Variants in SLIT3 observed in about 807,000 individuals in gnomAD.
The protein encoded by SLIT3 is slit guidance ligand 3.
Under a neutral mutation model 184.0 loss-of-function variants are expected in SLIT3, and 68 were observed. The ratio of observed to expected loss-of-function variants is 0.37; its 90% CI spans 0.30 to 0.45. The LOEUF (loss-of-function observed/expected upper bound fraction) is 0.45. SLIT3 is among the 20% of genes least tolerant of loss of function. The probability of loss-of-function intolerance (pLI) is 1.00; values close to 1 mark genes in which losing one functional copy is unlikely to be tolerated. For synonymous variants in SLIT3, 831 were observed against 828.6 expected, an observed-to-expected ratio of 1.00 and a Z score of -0.05; for missense variants, 1,707 against 2,026.0, an observed-to-expected ratio of 0.84 and a Z score of 3.02.
At chr5:168,823,755 G>A (rs1308902124) in intron 6 of SLIT3, among the ~76,000 whole-genome samples, 1 of 152,126 alleles carries the variant, frequency 6.6e-6, no homozygotes, top group Non-Finnish European at 1.5e-5. Flanking sequence ...TTATGGATGA[G>A]GAGGCTGAGC....
chr5:168,796,106 A>G (rs1016577033), intron 9 of SLIT3, among the ~76,000 whole-genome samples: 3 of 152,174 alleles, frequency 2.0e-5, no homozygotes, highest in South Asian at 2.1e-4. Flanking sequence ...GAACAGCCTT[A>G]ACGTCTTTAG....
intron 4 of SLIT3, among the ~76,000 whole-genome samples, chr5:168,999,683 G>GCA (rs1755637115): frequency 6.6e-6 from 1 of 152,198 alleles, no homozygotes; most frequent in African/African-American, 2.4e-5. Context: ...TGCAGAGGAG[G>GCA]CACACAGCCC....
rs372134778 is a variant in SLIT3, at chr5:168,952,528, C to CAAAAAAAAAAAAAAAAAAAAAA, written c.414-69193_414-69192insTTTTTTTTTTTTTTTTTTTTTT. Among the ~76,000 whole-genome samples, 73 of 77,904 alleles carry CAAAAAAAAAAAAAAAAAAAAAA rather than the reference C, an allele frequency of 9.4e-4. 1 individual carries two copies. The highest frequency in any genetic ancestry group is 4.2e-3 in the African/African-American group (71 of 17,020). 51.1% of individuals were successfully genotyped at this position (77,904 alleles called of 152,430 possible). A position where few individuals can be genotyped will look rare whatever the true frequency, so the allele number is the denominator to read the frequency against. On this transcript the variant is annotated intron_variant, in intron 4 of 35. Coordinates refer to ENST00000519560, the MANE Select transcript of SLIT3 (RefSeq NM_003062.4). ...AATCTCAGAGAAGAAGGGAAAATGC[C>CAAAAAAAAAAAAAAAAAAAAAA]AAAAAAAAAAAAAAAAAAAAGAGGG...
chr5:168,872,997 T>C (rs1759589107), intron 5 of SLIT3, among the ~76,000 whole-genome samples: 1 of 152,148 alleles, frequency 6.6e-6, no homozygotes, highest in African/African-American at 2.4e-5. Context: ...GTCCCAACTG[T>C]GACCTTCACA....
chr5:169,191,539 C>A (rs115843565), intron 4 of SLIT3, among the ~76,000 whole-genome samples: 9,177 of 152,236 alleles, frequency 0.06, 364 homozygotes, highest in Non-Finnish European at 0.081. Flanking sequence ...TTACAAAACA[C>A]AAGTACACCA....
chr5:169,145,017 G>C (rs1412685156), intron 4 of SLIT3, among the ~76,000 whole-genome samples: 2 of 152,084 alleles, frequency 1.3e-5, no homozygotes, highest in African/African-American at 4.8e-5. Context: ...TTTAAACCAA[G>C]GCACAAAATT....
intron 4 of SLIT3, among the ~76,000 whole-genome samples, chr5:168,897,461 GA>G (rs1194755256): frequency 6.6e-6 from 1 of 152,090 alleles, no homozygotes; most frequent in Non-Finnish European, 1.5e-5. Flanking sequence ...GACAGTTAAA[GA>G]GGGAGACTGA....
chr5:169,135,104 TTTTG>T (rs945754298), intron 4 of SLIT3, among the ~76,000 whole-genome samples: 7 of 152,112 alleles, frequency 4.6e-5, no homozygotes, highest in Non-Finnish European at 7.4e-5. Flanking sequence ...GATCAGTGTG[TTTTG>T]TTTGTTTGTT....
intron 26 of SLIT3, among the ~76,000 whole-genome samples, chr5:168,702,675 CGAT>C (rs10596363): frequency 0.65 from 97,447 of 149,442 alleles, 32,151 homozygotes; most frequent in African/African-American, 0.78. Context: ...TAAATAATAG[CGAT>C]GATGATGATG....
At chr5:169,157,141 C>G (rs1371462165) in intron 4 of SLIT3, among the ~76,000 whole-genome samples, 1 of 152,144 alleles carries the variant, frequency 6.6e-6, no homozygotes. Context: ...AGCTAGGACT[C>G]TGAACTTTGC....
At chr5:168,743,628 C>T (rs182241501) in intron 20 of SLIT3, among the ~76,000 whole-genome samples, 1 of 152,308 alleles carries the variant, frequency 6.6e-6, no homozygotes, top group East Asian at 1.9e-4. Flanking sequence ...AAGAATCACA[C>T]ATCTCTCACT....
rs768704242 is a variant in SLIT3, at chr5:168,884,425, T to TCACA, written c.414-1090_414-1089insTGTG. Among the ~76,000 whole-genome samples, 1,567 of 141,512 alleles carry TCACA rather than the reference T, an allele frequency of 0.011. 59 individuals carry two copies. In the East Asian group the frequency reaches 0.13, roughly 12 times the overall value. 92.8% of individuals were successfully genotyped at this position (141,512 alleles called of 152,430 possible). On this transcript the variant is annotated intron_variant, in intron 4 of 35. Transcript: ENST00000519560. ...TATAAAAGGTGTCTCTCTCTCTCTC[T>TCACA]CTCACACACACACACACACAGTGCT...
chr5:168,844,895 C>CTTT, intron 5 of SLIT3: 2 of 349,230 alleles, frequency 5.7e-6, no homozygotes, highest in Admixed American at 5.0e-5. Context: ...ATTAATTGCG[C>CTTT]ATTTTTTTTT....
chr5:169,134,891 G>A (rs1002130758), intron 4 of SLIT3, among the ~76,000 whole-genome samples: 1 of 152,142 alleles, frequency 6.6e-6, no homozygotes, highest in African/African-American at 2.4e-5. Flanking sequence ...ATTTTCATAA[G>A]GCCTACCTCC....
chr5:168,750,517 G>T (rs1336191148), intron 18 of SLIT3, among the ~76,000 whole-genome samples: 1 of 152,198 alleles, frequency 6.6e-6, no homozygotes, highest in African/African-American at 2.4e-5. Flanking sequence ...TTCGGGGTTG[G>T]AGTCCAGGCT....
At chr5:169,009,537 C>A (rs1263048627) in intron 4 of SLIT3, among the ~76,000 whole-genome samples, 1 of 152,224 alleles carries the variant, frequency 6.6e-6, no homozygotes, top group Non-Finnish European at 1.5e-5. Flanking sequence ...CTGTAGTAAA[C>A]CAGGGTTGTC....
At chr5:168,674,539 T>C (rs956833313) in intron 32 of SLIT3, among the ~76,000 whole-genome samples, 14 of 145,856 alleles carry the variant, frequency 9.6e-5, no homozygotes, top group Admixed American at 5.1e-4. Context: ...TCGCCCAGGC[T>C]GGAGTGCAGT....
At chr5:168,731,946 C>A (rs1424344988) in intron 20 of SLIT3, among the ~76,000 whole-genome samples, 1 of 151,988 alleles carries the variant, frequency 6.6e-6, no homozygotes, top group Non-Finnish European at 1.5e-5. Context: ...GAAGTCCTCA[C>A]CAGAGCAATC....
intron 2 of SLIT3, among the ~76,000 whole-genome samples, chr5:169,246,789 C>T (rs1765606690): frequency 6.6e-6 from 1 of 151,620 alleles, no homozygotes; most frequent in African/African-American, 2.4e-5. Flanking sequence ...TGTGGTGGTG[C>T]ATGCCTGTAA....
Sources: allele counts gnomAD v4.1 joint callset (sites outside exome capture counted in the v4.1 genomes callset), GRCh38; gene constraint gnomAD v4.1.1; transcripts MANE v1.5; gene names NCBI Gene and HGNC (gene_info 2026-07-23, HGNC 2026-07-21).